DROSHA: variants seen among roughly 807,000 people sequenced by gnomAD.
The protein encoded by DROSHA is drosha ribonuclease III.
A neutral mutation model predicts 181.9 loss-of-function variants in DROSHA; 56 were observed. That is an observed-to-expected ratio of 0.31 (90% CI 0.25 to 0.38). DROSHA has a LOEUF of 0.38. Among genes scored for constraint, DROSHA ranks in the 10% least tolerant of loss-of-function variants. The pLI, the probability that DROSHA is intolerant of heterozygous loss-of-function variation, is 1.00. For missense variants in DROSHA, 1,218 were observed against 1,743.5 expected, an observed-to-expected ratio of 0.70 and a Z score of 5.37; for synonymous variants, 524 against 591.2, an observed-to-expected ratio of 0.89 and a Z score of 1.65.
intron 35 of DROSHA, among the ~76,000 whole-genome samples, chr5:31,402,826 T>C (rs1323886330): frequency 6.6e-6 from 1 of 152,134 alleles, no homozygotes; most frequent in Non-Finnish European, 1.5e-5. Context: ...TATTTAGAGA[T>C]GGAATCTCGC....
rs1396660870 is a variant in DROSHA, at chr5:31,409,038, C to T, written c.3854+18G>A. On this transcript the variant is annotated intron_variant, in intron 33 of 35. Transcript: ENST00000344624. This position sits in a 1 kb window ranked among gnomAD's most constrained non-coding sequence, Gnocchi z 4.0. ...CATGCTGGATCCAACCAATGGCCTG[C>T]AGGCAACAAGTACTTACTTGTACAG... 4 of 1,609,490 alleles carry T rather than the reference C, an allele frequency of 2.5e-6. No individual in the cohort carries two copies. The highest frequency in any genetic ancestry group is 3.4e-6 in the Non-Finnish European group (4 of 1,177,788).
intron 30 of DROSHA, among the ~76,000 whole-genome samples, chr5:31,413,812 C>T (rs1188804517): frequency 6.6e-6 from 1 of 152,192 alleles, no homozygotes; most frequent in African/African-American, 2.4e-5. Flanking sequence ...ATTTCAGGGC[C>T]TCATTTACCT....
chr5:31,484,943 A>T lies in DROSHA; in HGVS notation c.1934T>A (p.Leu645His). 1 of 1,544,316 alleles carries T rather than the reference A, an allele frequency of 6.5e-7. No homozygotes were observed. The highest frequency in any genetic ancestry group is 8.7e-7 in the Non-Finnish European group (1 of 1,145,308). Residue 645 changes from leucine to histidine, a missense_variant, in exon 15 of 36, where the codon CTT (leucine) becomes CAT (histidine). Physicochemically the swap from Leu to His is moderately conservative, Grantham distance 99. Around this residue, in one of 8 missense-constraint regions of DROSHA, gnomAD observed 460 missense variants for 774.2 expected, o/e 0.59. Transcript: ENST00000344624. Reference sequence around the variant, plus strand: ...GAATAGGAACAGTGAAAAGAGTTCAAGCCCTTTCACACAAAAATTCTGAAA... The same window carrying T: ...GAATAGGAACAGTGAAAAGAGTTCATGCCCTTTCACACAAAAATTCTGAAA... The part of the protein sequence containing the change: ...MMPENFCVKG[L>H]ELFSLFLFRD...
intron 29 of DROSHA, 115 bp downstream of exon 29, chr5:31,422,672 G>C: frequency 7.5e-7 from 1 of 1,336,834 alleles, no homozygotes; most frequent in Non-Finnish European, 1.0e-6. Context: ...CTCACAATGT[G>C]ACTTTCCTGG....
intron 20 of DROSHA, among the ~76,000 whole-genome samples, chr5:31,456,794 C>G (rs1170339373): frequency 6.6e-6 from 1 of 152,152 alleles, no homozygotes; most frequent in East Asian, 1.9e-4. Context: ...CAGGGTTTCA[C>G]TCTGTCGCCC....
intron 16 of DROSHA, among the ~76,000 whole-genome samples, chr5:31,481,603 A>G (rs1408645974): frequency 2.0e-5 from 3 of 152,244 alleles, no homozygotes. Flanking sequence ...AAACAAAACC[A>G]GATATAAAAA....
rs548503776 is a variant in DROSHA, at chr5:31,425,913, C to A, written c.3217-1442G>T. On this transcript the variant is annotated intron_variant, in intron 27 of 35. Transcript: ENST00000344624. ...GCTGTTCTCTGACAAACACCCTGAG[C>A]AATGCACTCAAAGTATTAAACCCAG... Among the ~76,000 whole-genome samples, 3 of 152,198 alleles carry A rather than the reference C, an allele frequency of 2.0e-5. No individual in the cohort carries two copies. In the South Asian group the frequency reaches 6.2e-4, roughly 32 times the overall value.
intron 23 of DROSHA, among the ~76,000 whole-genome samples, chr5:31,442,352 TG>T (rs1745697527): frequency 1.3e-5 from 2 of 152,180 alleles, no homozygotes; most frequent in South Asian, 2.1e-4. Flanking sequence ...TCTGGAAAAA[TG>T]GGAAGAGTGG....
intron 11 of DROSHA, among the ~76,000 whole-genome samples, chr5:31,502,436 A>G (rs778351871): frequency 2.6e-5 from 4 of 152,234 alleles, no homozygotes; most frequent in Non-Finnish European, 4.4e-5. Flanking sequence ...CAGATGTGCT[A>G]CTGGGCCCTG....
Position 31,483,594 on chromosome 5 carries a change from T to G in DROSHA, c.2031A>C (p.Pro677=). Residue 677 remains proline, a synonymous_variant, in exon 16 of 36, where the codon CCA becomes CCC. Coordinates refer to ENST00000344624, the MANE Select transcript of DROSHA (RefSeq NM_001382508.1). ...PLFEDSPPCC[P]RFHFMPRFVR... The stretch of plus-strand genomic sequence containing the variant: ...CAAAACGTGGCATGAAATGAAATCT[T>G]GGGCAGCAGGGAGGGCTGTCTTCAA... The G allele has an allele frequency of 6.2e-7, 1 of 1,612,536 alleles. No individual in the cohort carries two copies. The highest frequency in any genetic ancestry group is 8.5e-7 in the Non-Finnish European group (1 of 1,179,646).
intron 33 of DROSHA, among the ~76,000 whole-genome samples, chr5:31,407,214 AAC>A (rs1389205553): frequency 6.6e-6 from 1 of 152,224 alleles, no homozygotes; most frequent in African/African-American, 2.4e-5. Context: ...TCAAAAGGCT[AAC>A]AGTGAAGTGT....
Position 31,411,893 on chromosome 5 carries a change from T to C in DROSHA, c.3526-1006A>G, listed in dbSNP as rs1456809455. Among the ~76,000 whole-genome samples the C allele has an allele frequency of 6.6e-6, 1 of 152,232 alleles. No homozygotes were observed. The highest frequency in any genetic ancestry group is 6.5e-5 in the Admixed American group (1 of 15,282). On this transcript the variant is annotated intron_variant, in intron 30 of 35. Coordinates refer to ENST00000344624, the MANE Select transcript of DROSHA (RefSeq NM_001382508.1). This position sits in a 1 kb window ranked among gnomAD's most constrained non-coding sequence, Gnocchi z 4.2. The stretch of plus-strand genomic sequence containing the variant: ...CCACCCACCTTGACCTTTCAAAGTG[T>C]TGGGATTACAGGCGTGAGCCACTGC...
chr5:31,521,080 G>A, intron 6 of DROSHA, 43 bp downstream of exon 6: 1 of 1,598,510 alleles, frequency 6.3e-7, no homozygotes, highest in Non-Finnish European at 8.6e-7. Context: ...TGAATTCAAG[G>A]AGATAATCCT....
chr5:31,443,735 C>T (rs1165503902), intron 23 of DROSHA, among the ~76,000 whole-genome samples: 2 of 152,152 alleles, frequency 1.3e-5, no homozygotes, highest in African/African-American at 4.8e-5. Flanking sequence ...CCCATCCCAA[C>T]TGAGATTAAG....
At chr5:31,429,226 T>C (rs1221674675) in intron 27 of DROSHA, among the ~76,000 whole-genome samples, 1 of 152,172 alleles carries the variant, frequency 6.6e-6, no homozygotes, top group Admixed American at 6.5e-5. Context: ...TTTGTATTCA[T>C]ATTTAATTTA....
At chr5:31,506,296 G>C (rs1226300961) in intron 10 of DROSHA, among the ~76,000 whole-genome samples, 1 of 151,274 alleles carries the variant, frequency 6.6e-6, no homozygotes, top group Non-Finnish European at 1.5e-5. Flanking sequence ...CAGATATGCA[G>C]AGCTTGCAGC....
intron 13 of DROSHA, among the ~76,000 whole-genome samples, chr5:31,487,585 T>C (rs186879166): frequency 6.6e-6 from 1 of 152,330 alleles, no homozygotes. Context: ...AATCTGTCCA[T>C]AAGATGATTT....
intron 14 of DROSHA, 30 bp from the exon 15 acceptor site, chr5:31,484,992 T>C (rs1751564075): frequency 6.7e-7 from 1 of 1,485,588 alleles, no homozygotes. Context: ...TAAATTACTG[T>C]AGTTTGGCAA....
rs1044613671 is a variant in DROSHA at position 31,411,569 on chromosome 5, T to C, written c.3526-682A>G. 3.9e-5 allele frequency among the ~76,000 whole-genome samples: 6 copies of C among 152,188 alleles called. No individual in the cohort carries two copies. The highest frequency in any genetic ancestry group is 1.4e-4 in the African/African-American group (6 of 41,464). On this transcript the variant is annotated intron_variant, in intron 30 of 35. Transcript: ENST00000344624. This position sits in a 1 kb window ranked among gnomAD's most constrained non-coding sequence, Gnocchi z 4.2. ...GATTTAAATTATTTATTTACATTTT[T>C]ATTTTATTATTATTTTAAAGATTTA... is the stretch of plus-strand genomic sequence containing the variant.
Sources: allele counts gnomAD v4.1 joint callset (sites outside exome capture counted in the v4.1 genomes callset), GRCh38; gene constraint gnomAD v4.1.1; regional missense constraint gnomAD v4.1.1; non-coding constraint Gnocchi (gnomAD v3.1); transcripts MANE v1.5; gene names NCBI Gene and HGNC (gene_info 2026-07-23, HGNC 2026-07-21).